Variants in TG observed in about 807,000 individuals in gnomAD.
TG encodes thyroid hormones.
A neutral mutation model predicts 324.7 loss-of-function variants in TG; 270 were observed. That is an observed-to-expected ratio of 0.83 (90% confidence interval 0.75 to 0.92). The LOEUF (loss-of-function observed/expected upper bound fraction) is 0.92, where lower values mean the gene tolerates loss of function less well. Ranked by LOEUF, TG falls within the 40% of genes least tolerant of loss-of-function variation. The probability of loss-of-function intolerance (pLI) is 0.00; values close to 1 mark genes in which losing one functional copy is unlikely to be tolerated. For synonymous variants in TG, 1,401 were observed against 1,327.0 expected (o/e 1.06, Z -1.21); for missense variants, 3,591 against 3,456.4 (o/e 1.04, Z -0.98).
At chr8:132,940,215 G>A (rs949510061) in intron 25 of TG, among the ~76,000 whole-genome samples, 1 of 152,166 alleles carries the variant, frequency 6.6e-6, no homozygotes, top group Non-Finnish European at 1.5e-5. Flanking sequence ...CTGACGGGAG[G>A]TCAGAGTGGT....
At chr8:132,983,219 A>G (rs1831110163) in intron 34 of TG, 131 bp from the exon 35 acceptor site, 5 of 922,598 alleles carry the variant, frequency 5.4e-6, no homozygotes, top group Non-Finnish European at 9.0e-6. Flanking sequence ...TGACCGATAC[A>G]GGTTGGGACA....
At chr8:133,104,243 C>G (rs1302046698) in intron 43 of TG, among the ~76,000 whole-genome samples, 1 of 152,150 alleles carries the variant, frequency 6.6e-6, no homozygotes, top group East Asian at 1.9e-4. Context: ...ATCTTTCAGG[C>G]CATCAGAAAA....
intron 35 of TG, among the ~76,000 whole-genome samples, chr8:132,990,818 C>T (rs7844859): frequency 6.6e-6 from 1 of 151,968 alleles, no homozygotes; most frequent in Non-Finnish European, 1.5e-5. Context: ...GTACTCAACC[C>T]GGATGTAAAC....
chr8:132,917,031 C>T lies in TG; in HGVS notation c.4379-2345C>T, dbSNP rs868598766. On this transcript the variant is annotated intron_variant, in intron 20 of 47. Coordinates refer to ENST00000220616, the MANE Select transcript of TG (RefSeq NM_003235.5). ...CCTCCCTTCCTCCCTCCATGCCTCC[C>T]TCCCTCCCTCCCTCCTTCCTTCCTT... Among the ~76,000 whole-genome samples, 57 of 77,098 alleles carry T rather than the reference C, an allele frequency of 7.4e-4. 1 individual carries two copies. The highest frequency in any genetic ancestry group is 2.2e-3 in the African/African-American group (55 of 24,704). The allele number at this position is 77,098 out of a possible 152,430, so 50.6% of individuals were successfully genotyped here.
At chr8:132,913,658 A>G (rs1356891124) in intron 20 of TG, among the ~76,000 whole-genome samples, 1 of 152,110 alleles carries the variant, frequency 6.6e-6, no homozygotes, top group Non-Finnish European at 1.5e-5. Flanking sequence ...CTCAGGGAAA[A>G]TGGTTCCTGA....
In TG at chr8:132,908,254, T is replaced by G. The variant is rs1818969612; in HGVS notation, c.3916T>G (p.Cys1306Gly). ...GCTCCAGCTCCCGCCGGGCAAGATGTGCAGTGCTGACTACGCGGATTTGCT... is the reference window on the plus strand; with the variant it reads ...GCTCCAGCTCCCGCCGGGCAAGATGGGCAGTGCTGACTACGCGGATTTGCT... The part of the protein sequence containing the change: ...FQLQLPPGKM[C>G]SADYADLLQT... Residue 1306 changes from cysteine (C) to glycine (G), a missense_variant, in exon 18 of 48, where the codon TGC becomes GGC. Transcript: ENST00000220616. 2.5e-6 allele frequency: 4 copies of G among 1,613,998 alleles called. No homozygotes were observed. The South Asian group carries it at 3.3e-5, about 13-fold the overall frequency.
chr8:132,971,768 G>T (rs374627405), intron 32 of TG, 26 bp from the exon 33 acceptor site: 4 of 1,574,314 alleles, frequency 2.5e-6, no homozygotes, highest in African/African-American at 1.3e-5. Flanking sequence ...AAACCTTCAG[G>T]CCTGCTCTTT....
At chr8:133,024,714 T>A (rs990533883) in intron 40 of TG, among the ~76,000 whole-genome samples, 6 of 151,788 alleles carry the variant, frequency 4.0e-5, no homozygotes, top group Admixed American at 3.9e-4. Flanking sequence ...TCCTGCTTCA[T>A]CTATGTCCCT....
At chr8:133,033,965 A>G (rs1836860933) in intron 41 of TG, among the ~76,000 whole-genome samples, 1 of 152,234 alleles carries the variant, frequency 6.6e-6, no homozygotes, top group East Asian at 1.9e-4. Context: ...CGCTTGGTTC[A>G]GAGACAGTGC....
chr8:132,906,807 G>C lies in TG; in HGVS notation c.3754G>C (p.Gly1252Arg), dbSNP rs1238114567. Reference sequence around the variant, plus strand: ...GCAGTGCCAATTGCTGTGCCGCCAGGGCTCCTGGAGCGTGTTTCCACCAGG... The same window carrying C: ...GCAGTGCCAATTGCTGTGCCGCCAGCGCTCCTGGAGCGTGTTTCCACCAGG... ...MQQCQLLCRQGSWSVFPPGPL... is the reference protein window; with the variant it reads ...MQQCQLLCRQRSWSVFPPGPL... The change falls in exon 17 of 48, where the codon GGC (glycine) becomes CGC (arginine). Residue 1252 changes from glycine to arginine, a missense_variant. Gly to Arg is a moderately radical substitution (Grantham distance 125). Coordinates refer to ENST00000220616, the MANE Select transcript of TG (RefSeq NM_003235.5). 6.8e-6 allele frequency: 11 copies of C among 1,614,196 alleles called. No homozygotes were observed. The highest frequency in any genetic ancestry group is 9.3e-6 in the Non-Finnish European group (11 of 1,180,040).
At chr8:133,067,701 G>A (rs1348250043) in intron 41 of TG, among the ~76,000 whole-genome samples, 6 of 151,854 alleles carry the variant, frequency 4.0e-5, no homozygotes, top group Non-Finnish European at 7.4e-5. Context: ...ACTTGAACCC[G>A]TGAGGCAGAG....
chr8:133,126,239 A>G (rs1807573144), intron 45 of TG, among the ~76,000 whole-genome samples: 1 of 152,232 alleles, frequency 6.6e-6, no homozygotes, highest in African/African-American at 2.4e-5. Flanking sequence ...AACATAGTGC[A>G]TGATCTATTA....
intron 11 of TG, among the ~76,000 whole-genome samples, chr8:132,896,338 G>C (rs929955513): frequency 6.6e-6 from 1 of 152,204 alleles, no homozygotes; most frequent in Non-Finnish European, 1.5e-5. Context: ...GGTCGGTCCT[G>C]GTGTCCCCAG....
At chr8:133,049,641 C>T in intron 41 of TG, 1 of 465,908 alleles carries the variant, frequency 2.1e-6, no homozygotes, top group Non-Finnish European at 4.0e-6. Context: ...CTGTTTACCA[C>T]TCTGTGCCAG....
At chr8:133,097,196 C>G (rs967100123) in intron 43 of TG, among the ~76,000 whole-genome samples, 4 of 152,196 alleles carry the variant, frequency 2.6e-5, no homozygotes, top group Non-Finnish European at 4.4e-5. Flanking sequence ...GGCAGTCTAA[C>G]CGGAATTTTA....
intron 37 of TG, among the ~76,000 whole-genome samples, chr8:133,014,384 A>G (rs1834833200): frequency 6.6e-6 from 1 of 152,206 alleles, no homozygotes; most frequent in African/African-American, 2.4e-5. Flanking sequence ...GTAGCCATAA[A>G]TCCATCACTA....
intron 41 of TG, among the ~76,000 whole-genome samples, chr8:133,062,683 A>G (rs1319284585): frequency 6.6e-6 from 1 of 152,006 alleles, no homozygotes; most frequent in Non-Finnish European, 1.5e-5. Context: ...CACAGGCCTC[A>G]GGAAGCATGC....
In TG at chr8:133,131,817, A is replaced by T. The variant is rs1361626369; in HGVS notation, c.7868A>T (p.Glu2623Val). Residue 2623 changes from glutamate (E) to valine (V), a missense_variant, in exon 46 of 48, where the codon GAG (glutamate) becomes GTG (valine). Glu to Val is a moderately radical substitution (Grantham distance 121). Coordinates refer to ENST00000220616, the MANE Select transcript of TG (RefSeq NM_003235.5). ...APENYGHGSL[E>V]LLADVQFALG... The stretch of plus-strand genomic sequence containing the variant: ...CTTTTCCTCTGTTTTCTCAGCCTGG[A>T]GCTGCTGGCGGATGTTCAGTTTGCC... The T allele has an allele frequency of 2.5e-6, 4 of 1,614,108 alleles. No homozygotes were observed. The highest frequency in any genetic ancestry group is 4.5e-5 in the East Asian group (2 of 44,876).
At chr8:132,874,246 C>G (rs1025502670) in intron 5 of TG, among the ~76,000 whole-genome samples, 4 of 152,262 alleles carry the variant, frequency 2.6e-5, no homozygotes, top group Admixed American at 6.5e-5. Context: ...AAAGGCAGCA[C>G]TCCCAAAAGC....
Sources: gnomAD v4.1 joint callset for allele counts (sites outside exome capture counted in the v4.1 genomes callset) on GRCh38, gnomAD v4.1.1 for gene constraint, MANE v1.5 for transcripts, NCBI Gene and HGNC (gene_info 2026-07-23, HGNC 2026-07-21) for gene names.